The following CNTNAP2 variants were observed in gnomAD, a reference collection of about 807,000 sequenced individuals.
CNTNAP2 encodes the protein contactin associated protein 2.
In CNTNAP2, 98 loss-of-function variants were observed where a neutral mutation model predicts 155.2. The ratio of observed to expected loss-of-function variants is 0.63; its 90% CI spans 0.54 to 0.75. CNTNAP2 has a LOEUF of 0.75. Ranked by LOEUF, CNTNAP2 falls within the 30% of genes least tolerant of loss-of-function variation. The pLI, the probability that CNTNAP2 is intolerant of heterozygous loss-of-function variation, is 0.00. For synonymous variants in CNTNAP2, 651 were observed against 631.2 expected (o/e 1.03, Z -0.47); for missense variants, 1,727 against 1,688.1 (o/e 1.02, Z -0.40).
At chr7:148,345,407 G>C (rs1274972052) in intron 21 of CNTNAP2, among the ~76,000 whole-genome samples, 9 of 152,060 alleles carry the variant, frequency 5.9e-5, no homozygotes, top group Non-Finnish European at 1.3e-4. Context: ...CTGTCACCCA[G>C]GCTGGAGTAC....
intron 4 of CNTNAP2, among the ~76,000 whole-genome samples, chr7:147,084,755 G>A (rs1800235536): frequency 6.8e-6 from 1 of 147,426 alleles, no homozygotes; most frequent in Non-Finnish European, 1.5e-5. Flanking sequence ...TATATAATAT[G>A]TGATATATGA....
intron 1 of CNTNAP2, among the ~76,000 whole-genome samples, chr7:146,522,196 T>C (rs1185043238): frequency 2.6e-5 from 4 of 152,106 alleles, no homozygotes; most frequent in Non-Finnish European, 4.4e-5. Context: ...GATGTTTCCA[T>C]GTTTTATTTT....
intron 15 of CNTNAP2, among the ~76,000 whole-genome samples, chr7:148,032,512 T>C (rs1036931215): frequency 6.6e-6 from 1 of 151,992 alleles, no homozygotes; most frequent in Non-Finnish European, 1.5e-5. Context: ...TGCTCAGATC[T>C]CAAAATCAGA....
At chr7:147,189,430 AC>A (rs1185590480) in intron 8 of CNTNAP2, among the ~76,000 whole-genome samples, 1 of 152,178 alleles carries the variant, frequency 6.6e-6, no homozygotes, top group Non-Finnish European at 1.5e-5. Flanking sequence ...CTGATTTCCT[AC>A]AATGTACAGA....
chr7:147,563,551 C>T (rs934306280), intron 12 of CNTNAP2, among the ~76,000 whole-genome samples: 10 of 151,930 alleles, frequency 6.6e-5, no homozygotes, highest in African/African-American at 2.4e-4. Context: ...ATCACTTGAT[C>T]CCTGGAGGAG....
Position 148,336,557 on chromosome 7 carries a change from A to AAAAG in CNTNAP2, c.3476-47089_3476-47088insGAAA, listed in dbSNP as rs1323861452. On this transcript the variant is annotated intron_variant, in intron 21 of 23. Coordinates refer to ENST00000361727, the MANE Select transcript of CNTNAP2 (RefSeq NM_014141.6). The stretch of plus-strand genomic sequence containing the variant: ...TGTTTGGTTGATGAAAAAGAAAAAA[A>AAAAG]AAAAAGCCAAAACTAAAAGGTACAT... Among the ~76,000 whole-genome samples, 9 of 152,236 alleles carry AAAAG rather than the reference A, an allele frequency of 5.9e-5. No individual in the cohort carries two copies. The South Asian group carries it at 1.7e-3, about 28-fold the overall frequency.
At chr7:146,444,014 G>T (rs17170092) in intron 1 of CNTNAP2, among the ~76,000 whole-genome samples, 1 of 151,948 alleles carries the variant, frequency 6.6e-6, no homozygotes, top group African/African-American at 2.4e-5. Flanking sequence ...TAATTAGTTG[G>T]TATTTATCAT....
chr7:147,601,600 A>T (rs1036355749), intron 12 of CNTNAP2, among the ~76,000 whole-genome samples: 2 of 147,104 alleles, frequency 1.4e-5, no homozygotes, highest in Non-Finnish European at 3.0e-5. Flanking sequence ...CCTGACAAGT[A>T]TATTTTAGTA....
intron 1 of CNTNAP2, among the ~76,000 whole-genome samples, chr7:146,767,692 G>C (rs1180861280): frequency 6.6e-6 from 1 of 152,120 alleles, no homozygotes; most frequent in East Asian, 1.9e-4. Flanking sequence ...TAGTCAATGA[G>C]TTCTTTGCCC....
At chr7:147,799,141 T>C (rs971321027) in intron 13 of CNTNAP2, among the ~76,000 whole-genome samples, 1 of 152,152 alleles carries the variant, frequency 6.6e-6, no homozygotes, top group Non-Finnish European at 1.5e-5. Context: ...ATCTCAGCAG[T>C]TCTGTGAGTC....
intron 9 of CNTNAP2, among the ~76,000 whole-genome samples, chr7:147,319,410 C>T (rs1200279259): frequency 6.6e-6 from 1 of 152,152 alleles, no homozygotes; most frequent in East Asian, 1.9e-4. Context: ...AACAGTCTCA[C>T]TCTGTTGCCC....
intron 15 of CNTNAP2, among the ~76,000 whole-genome samples, chr7:147,980,079 G>A (rs1179455024): frequency 6.6e-6 from 1 of 152,120 alleles, no homozygotes; most frequent in African/African-American, 2.4e-5. Flanking sequence ...CATTCATCTA[G>A]AACTTTCCTA....
At chr7:147,613,339 G>A (rs541468786) in intron 12 of CNTNAP2, among the ~76,000 whole-genome samples, 58 of 152,128 alleles carry the variant, frequency 3.8e-4, no homozygotes, top group African/African-American at 8.2e-4. Context: ...CGTTATTTCC[G>A]TTTCTGTTAA....
At chr7:146,775,824 G>T (rs1267166510) in intron 2 of CNTNAP2, among the ~76,000 whole-genome samples, 1 of 152,050 alleles carries the variant, frequency 6.6e-6, no homozygotes. Flanking sequence ...GATCTATGAA[G>T]AGGTCTCAGT....
At chr7:148,382,602 GAACA>G (rs1289586055) in intron 21 of CNTNAP2, among the ~76,000 whole-genome samples, 12 of 152,228 alleles carry the variant, frequency 7.9e-5, no homozygotes, top group Non-Finnish European at 1.5e-4. Context: ...TGCTGGAGAA[GAACA>G]AGGCACTTTA....
intron 3 of CNTNAP2, among the ~76,000 whole-genome samples, chr7:146,875,933 G>GAAAAAAAA (rs1795413183): frequency 6.6e-5 from 1 of 15,264 alleles, no homozygotes; most frequent in Non-Finnish European, 9.9e-5. Flanking sequence ...CACATACACA[G>GAAAAAAAA]CAAAAAAAAA....
At chr7:147,805,414 ATTTC>A (rs1460990917) in intron 13 of CNTNAP2, among the ~76,000 whole-genome samples, 4 of 152,150 alleles carry the variant, frequency 2.6e-5, no homozygotes, top group African/African-American at 9.7e-5. Flanking sequence ...GATGAGCTTT[ATTTC>A]TTTATCTTGT....
At chr7:146,932,501 G>T (rs1563008354) in intron 3 of CNTNAP2, among the ~76,000 whole-genome samples, 1 of 152,116 alleles carries the variant, frequency 6.6e-6, no homozygotes, top group Non-Finnish European at 1.5e-5. Flanking sequence ...GCAGAAACTG[G>T]AAGCACTCCC....
At chr7:148,235,600 G>C (rs1313891639) in intron 20 of CNTNAP2, among the ~76,000 whole-genome samples, 1 of 152,030 alleles carries the variant, frequency 6.6e-6, no homozygotes, top group African/African-American at 2.4e-5. Flanking sequence ...CCATCCTCTG[G>C]GAGGCTCTTC....
Sources: gnomAD v4.1 joint callset for allele counts (sites outside exome capture counted in the v4.1 genomes callset) on GRCh38, gnomAD v4.1.1 for gene constraint, MANE v1.5 for transcripts, NCBI Gene and HGNC (gene_info 2026-07-23, HGNC 2026-07-21) for gene names.